GUCA1C: variants seen among roughly 807,000 people sequenced by gnomAD.
The protein encoded by GUCA1C is guanylate cyclase activator 1C.
A neutral mutation model predicts 16.2 loss-of-function variants in GUCA1C; 15 were observed. That is an observed-to-expected ratio of 0.93 (90% confidence interval 0.62 to 1.43). The LOEUF is 1.43. GUCA1C is among the 40% of genes most tolerant of loss of function. GUCA1C has a pLI of 0.00. For missense variants in GUCA1C, 275 were observed against 244.8 expected, an observed-to-expected ratio of 1.12 and a Z score of -0.82; for synonymous variants, 78 against 85.4, an observed-to-expected ratio of 0.91 and a Z score of 0.48.
intron 1 of GUCA1C, among the ~76,000 whole-genome samples, chr3:108,951,082 A>G (rs1246321713): frequency 6.6e-6 from 1 of 152,152 alleles, no homozygotes; most frequent in African/African-American, 2.4e-5. Context: ...GATCTCATTT[A>G]CATGTGGAAT....
At chr3:108,954,875 T>A (rs912060995), upstream of GUCA1C, among the ~76,000 whole-genome samples, 1 of 151,928 alleles carries the variant, frequency 6.6e-6, no homozygotes, top group African/African-American at 2.4e-5. Context: ...TAGCTGGGAC[T>A]ACAGGCGCCC....
chr3:108,941,184 GC>G lies in GUCA1C; in HGVS notation c.204+12374del, dbSNP rs1176900840. Among the ~76,000 whole-genome samples, 6 of 152,112 alleles carry G rather than the reference GC, an allele frequency of 3.9e-5. No individual in the cohort carries two copies. The East Asian group carries it at 1.2e-3, about 29-fold the overall frequency. ...TAATAATCATTATTCAAATCCCACA[GC>G]CCCGCTACTTCTCATTCCTCTTCCT... On this transcript the variant is annotated intron_variant, in intron 1 of 3. Coordinates refer to ENST00000261047, the MANE Select transcript of GUCA1C (RefSeq NM_005459.4).
intron 3 of GUCA1C, 46 bp from the exon 4 acceptor site, chr3:108,908,255 C>A: frequency 8.1e-7 from 1 of 1,227,262 alleles, no homozygotes; most frequent in South Asian, 1.3e-5. Context: ...CTATACCACT[C>A]ACTGGCACAA....
intron 1 of GUCA1C, among the ~76,000 whole-genome samples, chr3:108,933,304 G>T (rs918200851): frequency 2.6e-5 from 4 of 152,186 alleles, no homozygotes; most frequent in Non-Finnish European, 5.9e-5. Context: ...CAGGAAAGGA[G>T]AGTTTGGAAG....
intron 1 of GUCA1C, 50 bp downstream of exon 1, chr3:108,953,509 A>T (rs370132815): frequency 5.3e-6 from 6 of 1,139,646 alleles, no homozygotes; most frequent in Admixed American, 2.0e-5. Context: ...AAAAGGGAAG[A>T]GTGCAGAACC....
chr3:108,939,323 G>GTTTT (rs1491279760), intron 1 of GUCA1C, among the ~76,000 whole-genome samples: 1 of 33,226 alleles, frequency 3.0e-5, no homozygotes, highest in African/African-American at 1.0e-4. Flanking sequence ...TTGCTTCAAG[G>GTTTT]CTTTTTTTTT....
chr3:108,922,833 C>T (rs939832132), intron 1 of GUCA1C, among the ~76,000 whole-genome samples: 5 of 152,128 alleles, frequency 3.3e-5, no homozygotes, highest in African/African-American at 9.7e-5. Flanking sequence ...GCCCCCTACC[C>T]GCCGACAGGC....
At chr3:108,922,142 TACACACACACATACACAA>T (rs1339285965) in intron 1 of GUCA1C, among the ~76,000 whole-genome samples, 2 of 143,874 alleles carry the variant, frequency 1.4e-5, no homozygotes, top group African/African-American at 5.2e-5. Flanking sequence ...CCATGGTGTA[TACACACACACATACACAA>T]ACACACACAC....
intron 1 of GUCA1C, among the ~76,000 whole-genome samples, chr3:108,944,965 G>T (rs1946829345): frequency 6.6e-6 from 1 of 152,222 alleles, no homozygotes; most frequent in Non-Finnish European, 1.5e-5. Context: ...AAGGCAGCAT[G>T]CCTGAAGTGC....
At chr3:108,926,317 CTTAT>C (rs1946622392) in intron 1 of GUCA1C, among the ~76,000 whole-genome samples, 1 of 152,036 alleles carries the variant, frequency 6.6e-6, no homozygotes, top group African/African-American at 2.4e-5. Context: ...TATGTGAGTC[CTTAT>C]TTGTTAGGTG....
intron 3 of GUCA1C, among the ~76,000 whole-genome samples, chr3:108,913,232 T>TAA (rs68093579): frequency 3.3e-5 from 5 of 149,526 alleles, no homozygotes; most frequent in African/African-American, 9.9e-5. Flanking sequence ...GAGAAATAAA[T>TAA]ATATATATAT....
chr3:108,946,340 C>T (rs1039479705), intron 1 of GUCA1C, among the ~76,000 whole-genome samples: 2 of 152,086 alleles, frequency 1.3e-5, no homozygotes, highest in Non-Finnish European at 2.9e-5. Context: ...CTATGTTGCC[C>T]ATGCTGGTCT....
chr3:108,950,315 A>G (rs1410661436), intron 1 of GUCA1C, among the ~76,000 whole-genome samples: 3 of 152,206 alleles, frequency 2.0e-5, no homozygotes, highest in Non-Finnish European at 4.4e-5. Flanking sequence ...ACTTGGGTTG[A>G]TTCCATATCT....
chr3:108,916,303 G>A, intron 2 of GUCA1C, 89 bp from the exon 3 acceptor site: 2 of 1,302,600 alleles, frequency 1.5e-6, no homozygotes, highest in South Asian at 1.4e-5. Flanking sequence ...CAGAATTTGG[G>A]GATGTGTTGT....
At chr3:108,951,699 T>A (rs1946898143) in intron 1 of GUCA1C, among the ~76,000 whole-genome samples, 1 of 152,250 alleles carries the variant, frequency 6.6e-6, no homozygotes, top group Non-Finnish European at 1.5e-5. Flanking sequence ...TTGTCATTAC[T>A]GCTTAGGCTC....
rs185382971 is a variant in GUCA1C at position 108,920,596 on chromosome 3, T to C, written c.205-11A>G. 43 of 1,407,586 alleles carry C rather than the reference T, an allele frequency of 3.1e-5. No individual in the cohort carries two copies. Among genetic ancestry groups the C allele is most frequent in the Non-Finnish European group, 4.2e-5 (42 of 1,001,254 alleles). The allele number at this position is 1,407,586 out of a possible 1,614,324, so 87.2% of individuals were successfully genotyped here. A position where few individuals can be genotyped will look rare whatever the true frequency, so the allele number is the denominator to read the frequency against. On this transcript the variant is annotated splice_polypyrimidine_tract_variant and intron_variant, in intron 1 of 3. Coordinates refer to ENST00000261047, the MANE Select transcript of GUCA1C (RefSeq NM_005459.4). Reference sequence around the variant, plus strand: ...GTCAACAAATCCATCCTATGGAAAGTAAGATGAAAAGAGAAATAAATATTT... The same window carrying C: ...GTCAACAAATCCATCCTATGGAAAGCAAGATGAAAAGAGAAATAAATATTT...
chr3:108,934,875 G>A (rs1401434712), intron 1 of GUCA1C, among the ~76,000 whole-genome samples: 1 of 143,270 alleles, frequency 7.0e-6, no homozygotes, highest in Non-Finnish European at 1.5e-5. Flanking sequence ...GTGCAGTGGC[G>A]CTATCTCAGC....
intron 1 of GUCA1C, among the ~76,000 whole-genome samples, chr3:108,941,882 T>C (rs569884580): frequency 1.3e-5 from 2 of 152,326 alleles, no homozygotes; most frequent in African/African-American, 2.4e-5. Context: ...TGGTTACCCA[T>C]ATGGAGCAAA....
intron 1 of GUCA1C, among the ~76,000 whole-genome samples, chr3:108,953,080 C>A (rs1026808988): frequency 6.6e-6 from 1 of 152,060 alleles, no homozygotes; most frequent in Non-Finnish European, 1.5e-5. Context: ...TAATATGAAG[C>A]AGTTTAACTT....
Sources: allele counts gnomAD v4.1 joint callset (sites outside exome capture counted in the v4.1 genomes callset), GRCh38; gene constraint gnomAD v4.1.1; transcripts MANE v1.5; gene names NCBI Gene and HGNC (gene_info 2026-07-23, HGNC 2026-07-21).